Variants in DNAAF9 observed in about 807,000 individuals in gnomAD.
DNAAF9 encodes the protein dynein axonemal assembly factor 9.
In DNAAF9, 90 loss-of-function variants were observed where a neutral mutation model predicts 167.0. The observed-to-expected ratio is 0.54, with a 90% CI of 0.45 to 0.64. DNAAF9 has a LOEUF of 0.64. Among genes scored for constraint, DNAAF9 ranks in the 30% least tolerant of loss-of-function variants. DNAAF9 has a pLI of 0.00. For synonymous variants in DNAAF9, 491 were observed against 508.8 expected (o/e 0.96, Z 0.47); for missense variants, 1,315 against 1,442.2 (o/e 0.91, Z 1.43).
chr20:3,407,556 ATGGCGGCGGACGAC>A lies in DNAAF9; in HGVS notation c.-13_1del, dbSNP rs909631273. The A allele has an allele frequency of 2.0e-5, 25 of 1,239,850 alleles. No homozygotes were observed. Among genetic ancestry groups the A allele is most frequent in the African/African-American group, 4.7e-5 (3 of 64,058 alleles). 76.8% of individuals were successfully genotyped at this position (1,239,850 alleles called of 1,614,324 possible). ...CTGCCGGCGCGGGGGGTACACGTCC[ATGGCGGCGGACGAC>A]TGGCGGCGGAGGAGGACGGTGCAGC... On this transcript the variant is annotated start_lost and start_retained_variant and 5_prime_UTR_variant, in exon 1 of 37. Transcript: ENST00000252032.
chr20:3,406,665 C>A (rs1032647139), intron 1 of DNAAF9, among the ~76,000 whole-genome samples: 2 of 152,216 alleles, frequency 1.3e-5, no homozygotes, highest in African/African-American at 2.4e-5. Flanking sequence ...CCCACGATCA[C>A]CCCCTCCCCA....
chr20:3,353,830 G>A (rs144940803), intron 7 of DNAAF9, among the ~76,000 whole-genome samples: 13 of 152,100 alleles, frequency 8.5e-5, no homozygotes, highest in Admixed American at 2.6e-4. Context: ...GGTGAAAAAC[G>A]CAGTGTGCTT....
chr20:3,330,537 A>C (rs1477563484), intron 12 of DNAAF9, 109 bp downstream of exon 12: 2 of 725,430 alleles, frequency 2.8e-6, no homozygotes, highest in African/African-American at 3.7e-5. Context: ...CACCACACCC[A>C]GCAAAAGCAG....
intron 20 of DNAAF9, among the ~76,000 whole-genome samples, chr20:3,308,715 G>A (rs545878670): frequency 6.6e-6 from 1 of 150,928 alleles, no homozygotes; most frequent in South Asian, 2.1e-4. Context: ...AGTGGCTCAC[G>A]CCTGTAATCC....
Position 3,407,554 on chromosome 20 carries a change from C to T in DNAAF9, c.4G>A (p.Asp2Asn), listed in dbSNP as rs2084081938. ...CCCTGCCGGCGCGGGGGGTACACGT[C>T]CATGGCGGCGGACGACTGGCGGCGG... M[D>N]VYPPRRQGLP... Residue 2 changes from aspartate (D) to asparagine (N), a missense_variant, in exon 1 of 37, where the codon GAC (aspartate) becomes AAC (asparagine). Physicochemically the swap from Asp to Asn is conservative, Grantham distance 23 (BLOSUM62 1). This residue lies in a region of DNAAF9 where 981 missense variants were observed against 1,012.5 expected (regional missense o/e 0.97). Transcript: ENST00000252032. The T allele has an allele frequency of 5.6e-6, 7 of 1,242,140 alleles. No homozygotes were observed. Among genetic ancestry groups the T allele is most frequent in the Non-Finnish European group, 7.0e-6 (7 of 994,654 alleles). 76.9% of individuals were successfully genotyped at this position (1,242,140 alleles called of 1,614,324 possible).
At chr20:3,318,106 T>C (rs118050597) in intron 17 of DNAAF9, among the ~76,000 whole-genome samples, 183 bp downstream of exon 17, 8,977 of 104,028 alleles carry the variant, frequency 0.086, 355 homozygotes, top group Non-Finnish European at 0.12. Flanking sequence ...ATGTTTCTCT[T>C]TTTTTTTTTT....
At chr20:3,252,736 G>T in intron 36 of DNAAF9, 52 bp from the exon 37 acceptor site, 1 of 1,130,378 alleles carries the variant, frequency 8.8e-7, no homozygotes, top group Non-Finnish European at 1.4e-6. Context: ...AAGGGAGGCT[G>T]CCTGAGCCCA....
Position 3,383,715 on chromosome 20 carries a change from C to T in DNAAF9, c.84-1209G>A, listed in dbSNP as rs535601880. On this transcript the variant is annotated intron_variant, in intron 1 of 36. Transcript: ENST00000252032. Reference sequence around the variant, plus strand: ...TTACTGAATCTCCTCCAGTACACTGCCTTACTCTCACCTCAAAACTGTATT... The same window carrying T: ...TTACTGAATCTCCTCCAGTACACTGTCTTACTCTCACCTCAAAACTGTATT... Among the ~76,000 whole-genome samples the T allele has an allele frequency of 2.0e-5, 3 of 152,262 alleles. No individual in the cohort carries two copies. In the South Asian group the frequency reaches 6.2e-4, roughly 32 times the overall value.
chr20:3,254,932 T>C (rs957666035), intron 35 of DNAAF9, among the ~76,000 whole-genome samples: 2 of 152,210 alleles, frequency 1.3e-5, no homozygotes, highest in African/African-American at 4.8e-5. Flanking sequence ...CTTCTGCAGT[T>C]GCTTGAACAA....
chr20:3,290,313 G>A, intron 25 of DNAAF9, 96 bp from the exon 26 acceptor site: 1 of 801,266 alleles, frequency 1.2e-6, no homozygotes, highest in South Asian at 1.4e-5. Flanking sequence ...AGCATTGTGG[G>A]TGTGAACCTC....
intron 5 of DNAAF9, 63 bp downstream of exon 5, chr20:3,374,967 A>T: frequency 1.2e-6 from 1 of 838,680 alleles, no homozygotes; most frequent in Non-Finnish European, 2.0e-6. Flanking sequence ...AAGGAAAAGT[A>T]GTGACGTTCA....
intron 21 of DNAAF9, 137 bp downstream of exon 21, chr20:3,304,303 G>C (rs1052009667): frequency 1.6e-5 from 11 of 671,530 alleles, no homozygotes; most frequent in Non-Finnish European, 2.7e-5. Flanking sequence ...CTCCCTCCCT[G>C]CCTGCCTCAG....
At position 3,315,954 on chromosome 20, in the gene DNAAF9, CTGGGCTCAGAGCCCAAGGCCTTGG is replaced by C. The variant is rs2069493755; in HGVS notation, c.1540-193_1540-170del. 3.1e-6 allele frequency: 2 copies of C among 643,890 alleles called. No homozygotes were observed. Among genetic ancestry groups the C allele is most frequent in the Non-Finnish European group, 2.8e-6 (1 of 357,810 alleles). The allele number at this position is 643,890 out of a possible 1,614,324, so 39.9% of individuals were successfully genotyped here. Reference sequence around the variant, plus strand: ...CACACCTGAGATGTCTGCTGGTCACCTGGGCTCAGAGCCCAAGGCCTTGGTGGGCTCTCTCACTAGGACCTGAGG... The same window carrying C: ...CACACCTGAGATGTCTGCTGGTCACCTGGGCTCTCTCACTAGGACCTGAGG... On this transcript the variant is annotated intron_variant, in intron 18 of 36. Coordinates refer to ENST00000252032, the MANE Select transcript of DNAAF9 (RefSeq NM_001009984.3). This position sits in a 1 kb window ranked among gnomAD's most constrained non-coding sequence, Gnocchi z 4.1.
At chr20:3,343,638 A>G in intron 9 of DNAAF9, 38 bp downstream of exon 9, 2 of 1,556,724 alleles carry the variant, frequency 1.3e-6, no homozygotes, top group East Asian at 2.2e-5. Flanking sequence ...CATTTTCTCT[A>G]TCACCATTCG....
In DNAAF9 at chr20:3,272,035, A is replaced by G. The variant is rs1461020501; in HGVS notation, c.2651-1473T>C. On this transcript the variant is annotated intron_variant, in intron 29 of 36. Transcript: ENST00000252032. ...ACTCAGCTAATCGTATTTCATCTACACTCCACCCAGCTCATCCCCGGCTCC... is the reference window on the plus strand; with the variant it reads ...ACTCAGCTAATCGTATTTCATCTACGCTCCACCCAGCTCATCCCCGGCTCC... Among the ~76,000 whole-genome samples, 4 of 152,092 alleles carry G rather than the reference A, an allele frequency of 2.6e-5. No homozygotes were observed. The East Asian group carries it at 7.7e-4, about 29-fold the overall frequency.
chr20:3,261,202 T>TA (rs2068379849), intron 31 of DNAAF9, among the ~76,000 whole-genome samples: 1 of 151,082 alleles, frequency 6.6e-6, no homozygotes, highest in Non-Finnish European at 1.5e-5. Flanking sequence ...CATGCCCAAC[T>TA]ACTTTTGATT....
chr20:3,389,998 T>G (rs1600912115), intron 1 of DNAAF9, among the ~76,000 whole-genome samples: 1 of 149,374 alleles, frequency 6.7e-6, no homozygotes, highest in Non-Finnish European at 1.5e-5. Flanking sequence ...ATCACGCCAC[T>G]GTACTCCAGC....
intron 33 of DNAAF9, 145 bp downstream of exon 33, chr20:3,259,328 AGCCTGAT>A: frequency 1.5e-6 from 1 of 671,628 alleles, no homozygotes; most frequent in Admixed American, 2.2e-5. Flanking sequence ...GTGATGGACA[AGCCTGAT>A]GGCGTGAAGG....
At position 3,256,003 on chromosome 20, in the gene DNAAF9, C is replaced by T; in HGVS notation, c.3261+3G>A. 1 of 1,611,474 alleles carries T rather than the reference C, an allele frequency of 6.2e-7. No individual in the cohort carries two copies. Among genetic ancestry groups the T allele is most frequent in the Non-Finnish European group, 8.5e-7 (1 of 1,178,950 alleles). ...TCAGGTCTGTCTGGGCTCTGGAAAC[C>T]ACCTGCTTAGCTGACTGCCGCAGCC... is the stretch of plus-strand genomic sequence containing the variant. On this transcript the variant is annotated splice_donor_region_variant and intron_variant, in intron 34 of 36. Coordinates refer to ENST00000252032, the MANE Select transcript of DNAAF9 (RefSeq NM_001009984.3).
Sources: allele counts gnomAD v4.1 joint callset (sites outside exome capture counted in the v4.1 genomes callset), GRCh38; gene constraint gnomAD v4.1.1; regional missense constraint gnomAD v4.1.1; non-coding constraint Gnocchi (gnomAD v3.1); transcripts MANE v1.5; gene names NCBI Gene and HGNC (gene_info 2026-07-23, HGNC 2026-07-21).